Variants in WNT3A observed in about 807,000 individuals in gnomAD.
The protein encoded by WNT3A is Wnt family member 3A.
Under a neutral mutation model 37.0 loss-of-function variants are expected in WNT3A, and 17 were observed. The ratio of observed to expected loss-of-function variants is 0.46; its 90% CI spans 0.31 to 0.69. The LOEUF is 0.69. Ranked by LOEUF, WNT3A falls within the 30% of genes least tolerant of loss-of-function variation. WNT3A has a pLI of 0.05. For synonymous variants in WNT3A, 187 were observed against 211.0 expected (o/e 0.89, Z 0.99); for missense variants, 411 against 510.2 (o/e 0.81, Z 1.87).
chr1:228,058,638 C>T (rs924993176), intron 3 of WNT3A, among the ~76,000 whole-genome samples: 2 of 152,256 alleles, frequency 1.3e-5, no homozygotes, highest in African/African-American at 4.8e-5. Context: ...CGCCTATCCC[C>T]CTGCATCCCT....
At chr1:228,046,375 A>C (rs1423012778) in intron 2 of WNT3A, among the ~76,000 whole-genome samples, 2 of 149,442 alleles carry the variant, frequency 1.3e-5, no homozygotes, top group Non-Finnish European at 3.0e-5. Flanking sequence ...GTGAATGTAT[A>C]TGTGCATCCG....
intron 1 of WNT3A, among the ~76,000 whole-genome samples, chr1:228,011,834 A>G (rs1206424367): frequency 6.6e-6 from 1 of 151,972 alleles, no homozygotes; most frequent in Non-Finnish European, 1.5e-5. Flanking sequence ...CCACACACAA[A>G]CCCCTCCTGA....
intron 2 of WNT3A, among the ~76,000 whole-genome samples, chr1:228,030,613 A>G (rs1193989824): frequency 1.3e-5 from 2 of 152,028 alleles, no homozygotes; most frequent in African/African-American, 4.8e-5. Context: ...CTGCCTGGCT[A>G]TGGTGTTTTT....
chr1:228,030,269 A>G (rs943821218), intron 2 of WNT3A, among the ~76,000 whole-genome samples: 29 of 151,506 alleles, frequency 1.9e-4, no homozygotes, highest in African/African-American at 5.3e-4. Context: ...GGTGGTGGGC[A>G]TCTGTAATCC....
At chr1:228,057,172 A>G (rs1259522870) in intron 3 of WNT3A, among the ~76,000 whole-genome samples, 1 of 152,220 alleles carries the variant, frequency 6.6e-6, no homozygotes, top group Admixed American at 6.5e-5. Context: ...AGTCATCATA[A>G]TATATGACAC....
intron 3 of WNT3A, among the ~76,000 whole-genome samples, chr1:228,057,328 G>T (rs1321070023): frequency 1.3e-5 from 2 of 152,106 alleles, no homozygotes; most frequent in Non-Finnish European, 2.9e-5. Context: ...ATGGCTAGAG[G>T]CCAATAAATA....
At position 228,059,334 on chromosome 1, in the gene WNT3A, C is replaced by A. The variant is rs1398220132; in HGVS notation, c.928C>A (p.Leu310Met). Residue 310 changes from leucine (L) to methionine (M), a missense_variant, in exon 4 of 4, where the codon CTG becomes ATG. By Grantham distance (15) the Leu-to-Met change is conservative. Transcript: ENST00000284523. ...GCACGGCATCGACGGCTGCGACCTG[C>A]TGTGCTGCGGCCGCGGCCACAACGC... Reference protein sequence around the residue: ...SSHGIDGCDLLCCGRGHNARA... With the variant: ...SSHGIDGCDLMCCGRGHNARA... The A allele has an allele frequency of 1.9e-6, 3 of 1,570,012 alleles. No homozygotes were observed. The South Asian group carries it at 3.4e-5, about 18-fold the overall frequency.
Position 228,050,958 on chromosome 1 carries a change from G to A in WNT3A, c.579+37G>A, listed in dbSNP as rs1480650386. On this transcript the variant is annotated intron_variant, in intron 3 of 3. Coordinates refer to ENST00000284523, the MANE Select transcript of WNT3A (RefSeq NM_033131.4). The surrounding 1 kb of genome is among the most constrained non-coding windows in gnomAD (Gnocchi z 5.0). ...GCCCGCAAGGGTGCTTGGGAAAAAG[G>A]AGCCTCCTCAGCAGGGTGTGTGCCC... The A allele has an allele frequency of 6.7e-7, 1 of 1,502,302 alleles. No individual in the cohort carries two copies. The highest frequency in any genetic ancestry group is 1.4e-5 in the African/African-American group (1 of 71,452). 93.1% of individuals were successfully genotyped at this position (1,502,302 alleles called of 1,614,324 possible).
At chr1:228,019,730 A>G (rs901213787) in intron 1 of WNT3A, among the ~76,000 whole-genome samples, 1 of 152,144 alleles carries the variant, frequency 6.6e-6, no homozygotes, top group African/African-American at 2.4e-5. Flanking sequence ...TCCATTCTCT[A>G]TCTATCCGTC....
At chr1:228,033,413 G>A (rs1440402312) in intron 2 of WNT3A, among the ~76,000 whole-genome samples, 2 of 152,170 alleles carry the variant, frequency 1.3e-5, no homozygotes, top group African/African-American at 4.8e-5. Context: ...AGCACAATCT[G>A]TTGCAGACTG....
In WNT3A at chr1:228,007,002, A is replaced by ACACCCGCG; in HGVS notation, c.-118_-111dup. The ACACCCGCG allele has an allele frequency of 2.7e-6, 1 of 365,924 alleles. No individual in the cohort carries two copies. The highest frequency in any genetic ancestry group is 3.9e-6 in the Non-Finnish European group (1 of 258,572). 22.7% of individuals were successfully genotyped at this position (365,924 alleles called of 1,614,324 possible). The stretch of plus-strand genomic sequence containing the variant: ...GCAGCGCCGCCCTCGGAGCCCGCGC[A>ACACCCGCG]CACCCGCGCACCCGCGGCCGCAGGA... On this transcript the variant is annotated 5_prime_UTR_variant, in exon 1 of 4. Transcript: ENST00000284523. The surrounding 1 kb of genome is among the most constrained non-coding windows in gnomAD (Gnocchi z 6.0).
rs1428330715 is a variant in WNT3A at position 228,059,455 on chromosome 1, C to T, written c.1049C>T (p.Thr350Ile). The change falls in exon 4 of 4, where the codon ACC becomes ATC. Residue 350 changes from threonine (T) to isoleucine (I), a missense_variant. Transcript: ENST00000284523. ...QECTRVYDVH[T>I]CK ...TGCACGCGCGTCTACGACGTGCACACCTGCAAGTAGGCACCGGCCGCGGCT... is the reference window on the plus strand; with the variant it reads ...TGCACGCGCGTCTACGACGTGCACATCTGCAAGTAGGCACCGGCCGCGGCT... 22 of 1,511,176 alleles carry T rather than the reference C, an allele frequency of 1.5e-5. No individual in the cohort carries two copies. Among genetic ancestry groups the T allele is most frequent in the Non-Finnish European group, 1.7e-5 (19 of 1,135,546 alleles). The allele number at this position is 1,511,176 out of a possible 1,614,324, so 93.6% of individuals were successfully genotyped here.
At position 228,033,160 on chromosome 1, in the gene WNT3A, C is replaced by T. The variant is rs556216420; in HGVS notation, c.313+10252C>T. Among the ~76,000 whole-genome samples the T allele has an allele frequency of 2.6e-5, 4 of 152,264 alleles. No individual in the cohort carries two copies. The East Asian group carries it at 7.7e-4, about 29-fold the overall frequency. ...ACTTGCTTGATGGTGTCCTTTGATA[C>T]ATGCAAGATTTTAATTTTGACGAAT... is the stretch of plus-strand genomic sequence containing the variant. On this transcript the variant is annotated intron_variant, in intron 2 of 3. Coordinates refer to ENST00000284523, the MANE Select transcript of WNT3A (RefSeq NM_033131.4).
At chr1:228,048,431 C>A (rs1268323388) in intron 2 of WNT3A, among the ~76,000 whole-genome samples, 1 of 152,236 alleles carries the variant, frequency 6.6e-6, no homozygotes, top group Non-Finnish European at 1.5e-5. Flanking sequence ...AAGATCCCTG[C>A]CCAGCAGCAG....
chr1:228,059,376 C>A lies in WNT3A; in HGVS notation c.970C>A (p.Arg324=), dbSNP rs199932668. The change falls in exon 4 of 4, where the codon CGG becomes AGG. Residue 324 remains arginine, a synonymous_variant. Transcript: ENST00000284523. ...RGHNARAERR[R]EKCRCVFHWC... ...CCACAACGCGCGAGCGGAGCGGCGCCGGGAGAAGTGCCGCTGCGTGTTCCA... is the reference window on the plus strand; with the variant it reads ...CCACAACGCGCGAGCGGAGCGGCGCAGGGAGAAGTGCCGCTGCGTGTTCCA... The A allele has an allele frequency of 1.3e-6, 2 of 1,561,886 alleles. No individual in the cohort carries two copies. Among genetic ancestry groups the A allele is most frequent in the East Asian group, 2.4e-5 (1 of 42,364 alleles).
chr1:228,024,474 T>G (rs2030806112), intron 2 of WNT3A, among the ~76,000 whole-genome samples: 2 of 152,220 alleles, frequency 1.3e-5, no homozygotes, highest in African/African-American at 4.8e-5. Flanking sequence ...TTCTTTGAAA[T>G]GTTTAGTCAA....
At chr1:228,025,486 C>A (rs562225651) in intron 2 of WNT3A, among the ~76,000 whole-genome samples, 73 of 152,158 alleles carry the variant, frequency 4.8e-4, no homozygotes, top group African/African-American at 1.8e-3. Flanking sequence ...GTAGCAGGGA[C>A]CACAGGCATG....
intron 2 of WNT3A, among the ~76,000 whole-genome samples, chr1:228,035,281 C>T (rs377264916): frequency 1.9e-4 from 29 of 152,330 alleles, no homozygotes; most frequent in African/African-American, 6.0e-4. Flanking sequence ...GCCAGCAGTG[C>T]GGTGACCCTG....
intron 1 of WNT3A, among the ~76,000 whole-genome samples, chr1:228,017,672 G>A (rs2030573247): frequency 6.6e-6 from 1 of 152,194 alleles, no homozygotes; most frequent in Admixed American, 6.5e-5. Context: ...TGAGCCCTCA[G>A]CCTAGACGAC....
Sources: allele counts gnomAD v4.1 joint callset (sites outside exome capture counted in the v4.1 genomes callset), GRCh38; gene constraint gnomAD v4.1.1; non-coding constraint Gnocchi (gnomAD v3.1); transcripts MANE v1.5; gene names NCBI Gene and HGNC (gene_info 2026-07-23, HGNC 2026-07-21).